The following SDK1 variants were observed in gnomAD, a reference collection of about 807,000 sequenced individuals.
SDK1 encodes sidekick cell adhesion molecule 1.
SDK1 carries 157 observed loss-of-function variants against 245.5 expected under a neutral mutation model. That is an observed-to-expected ratio of 0.64 (90% CI 0.56 to 0.73). SDK1 has a LOEUF of 0.73. Among genes scored for constraint, SDK1 ranks in the 30% least tolerant of loss-of-function variants. SDK1 has a pLI of 0.00. For synonymous variants in SDK1, 1,647 were observed against 1,278.5 expected (o/e 1.29, Z -6.15); for missense variants, 3,583 against 3,002.3 (o/e 1.19, Z -4.52).
At chr7:3,961,179 G>C (rs896518052) in intron 8 of SDK1, among the ~76,000 whole-genome samples, 25 of 152,210 alleles carry the variant, frequency 1.6e-4, no homozygotes, top group Admixed American at 1.4e-3. Flanking sequence ...CATTTTGACA[G>C]TGAAACTATA....
chr7:3,516,240 A>G (rs192448405), intron 1 of SDK1, among the ~76,000 whole-genome samples: 1 of 151,754 alleles, frequency 6.6e-6, no homozygotes, highest in South Asian at 2.1e-4. Flanking sequence ...TATGTGATAT[A>G]TACATAGTAT....
At chr7:3,974,947 C>G (rs145298739) in intron 13 of SDK1, among the ~76,000 whole-genome samples, 91 of 152,248 alleles carry the variant, frequency 6.0e-4, no homozygotes, top group African/African-American at 2.1e-3. Flanking sequence ...CGAGGTCGTT[C>G]CCGTGAAAGC....
chr7:3,363,626 A>G (rs993554409), intron 1 of SDK1, among the ~76,000 whole-genome samples: 1 of 152,162 alleles, frequency 6.6e-6, no homozygotes, highest in Non-Finnish European at 1.5e-5. Flanking sequence ...TTTTGGGATG[A>G]AACTGTTCCA....
chr7:3,403,844 T>TATA (rs1554266441), intron 1 of SDK1, among the ~76,000 whole-genome samples: 2 of 93,468 alleles, frequency 2.1e-5, no homozygotes, highest in Non-Finnish European at 3.8e-5. Flanking sequence ...TATATATATA[T>TATA]ATATATATAT....
chr7:3,726,830 A>G (rs1413574677), intron 4 of SDK1, among the ~76,000 whole-genome samples: 2 of 152,168 alleles, frequency 1.3e-5, no homozygotes, highest in South Asian at 4.1e-4. Flanking sequence ...CAACTCCCCC[A>G]ACTCTTCTCT....
At chr7:3,344,313 G>A (rs1487534689) in intron 1 of SDK1, among the ~76,000 whole-genome samples, 5 of 152,146 alleles carry the variant, frequency 3.3e-5, no homozygotes, top group Non-Finnish European at 5.9e-5. Flanking sequence ...CATCAAATAC[G>A]TTCACATTGT....
At chr7:3,508,665 C>T (rs556412146) in intron 1 of SDK1, among the ~76,000 whole-genome samples, 2 of 152,146 alleles carry the variant, frequency 1.3e-5, no homozygotes, top group African/African-American at 4.8e-5. Flanking sequence ...TTAGATAGCT[C>T]TAATTTCAAG....
chr7:3,692,682 T>A (rs1008032613), intron 4 of SDK1, among the ~76,000 whole-genome samples: 1 of 152,130 alleles, frequency 6.6e-6, no homozygotes, highest in Non-Finnish European at 1.5e-5. Flanking sequence ...TCAAAGGGTA[T>A]AAATATTTTT....
At chr7:3,921,897 T>C (rs558801874) in intron 5 of SDK1, among the ~76,000 whole-genome samples, 8 of 149,902 alleles carry the variant, frequency 5.3e-5, no homozygotes, top group African/African-American at 2.0e-4. Flanking sequence ...GCCCAGGAGG[T>C]CAAGGCTGTG....
intron 40 of SDK1, among the ~76,000 whole-genome samples, chr7:4,230,294 G>GATGA (rs1225535118): frequency 6.6e-6 from 1 of 151,112 alleles, no homozygotes; most frequent in Non-Finnish European, 1.5e-5. Context: ...TGGGTGGATG[G>GATGA]ATGAATGAAT....
At chr7:3,918,840 G>A (rs1037819268) in intron 5 of SDK1, among the ~76,000 whole-genome samples, 3 of 151,746 alleles carry the variant, frequency 2.0e-5, no homozygotes, top group African/African-American at 7.3e-5. Context: ...ATCCTCTGAC[G>A]GTTTCCCACA....
intron 4 of SDK1, among the ~76,000 whole-genome samples, chr7:3,794,832 T>C (rs1436613279): frequency 6.6e-6 from 1 of 152,182 alleles, no homozygotes; most frequent in Non-Finnish European, 1.5e-5. Flanking sequence ...CTCCATTTCA[T>C]TGGCCCTGAA....
chr7:4,139,188 C>CA (rs974524345), intron 28 of SDK1, among the ~76,000 whole-genome samples: 1 of 152,146 alleles, frequency 6.6e-6, no homozygotes, highest in African/African-American at 2.4e-5. Context: ...CTACCCACCC[C>CA]CCATTTCCTG....
chr7:3,860,969 G>C (rs888342512), intron 5 of SDK1, among the ~76,000 whole-genome samples: 1 of 152,090 alleles, frequency 6.6e-6, no homozygotes, highest in Non-Finnish European at 1.5e-5. Flanking sequence ...GGTTACCGGG[G>C]TCTCAGTCTT....
chr7:3,952,635 G>A (rs1024775583), intron 7 of SDK1, among the ~76,000 whole-genome samples: 3 of 151,612 alleles, frequency 2.0e-5, no homozygotes, highest in African/African-American at 7.3e-5. Flanking sequence ...TAATTTAGCT[G>A]TTATTTTTTG....
At chr7:3,410,961 T>G (rs1408125238) in intron 1 of SDK1, among the ~76,000 whole-genome samples, 1 of 152,088 alleles carries the variant, frequency 6.6e-6, no homozygotes, top group African/African-American at 2.4e-5. Flanking sequence ...GGCTTCATGG[T>G]GTAGAGGAAA....
At chr7:4,215,856 C>T (rs1383709456) in intron 38 of SDK1, among the ~76,000 whole-genome samples, 1 of 152,198 alleles carries the variant, frequency 6.6e-6, no homozygotes, top group African/African-American at 2.4e-5. Flanking sequence ...TGCCCTGCTC[C>T]ACTCCTCACC....
Position 4,001,670 on chromosome 7 carries a change from A to G in SDK1, c.2132-9296A>G, listed in dbSNP as rs868006994. On this transcript the variant is annotated intron_variant, in intron 14 of 44. Coordinates refer to ENST00000404826, the MANE Select transcript of SDK1 (RefSeq NM_152744.4). ...CTTTATGGTTTCTCTAAAGACATAT[A>G]CAACAGAGAAAGTCTTCCCAAAGGG... Among the ~76,000 whole-genome samples, 8 of 152,266 alleles carry G rather than the reference A, an allele frequency of 5.3e-5. No homozygotes were observed. The South Asian group carries it at 6.2e-4, about 12-fold the overall frequency.
At chr7:3,643,772 C>T (rs1248415125) in intron 4 of SDK1, 1 of 151,892 alleles carries the variant, frequency 6.6e-6, no homozygotes, top group Non-Finnish European at 1.5e-5. Flanking sequence ...CTCTCCCACC[C>T]CCACCTGAGC....
Sources: allele counts gnomAD v4.1 joint callset (sites outside exome capture counted in the v4.1 genomes callset), GRCh38; gene constraint gnomAD v4.1.1; transcripts MANE v1.5; gene names NCBI Gene and HGNC (gene_info 2026-07-23, HGNC 2026-07-21).